Variants in JAK2 observed in about 807,000 individuals in gnomAD.
JAK2 encodes tyrosine-protein kinase JAK2.
Under a neutral mutation model 139.3 loss-of-function variants are expected in JAK2, and 86 were observed. The observed-to-expected ratio is 0.62, with a 90% CI of 0.52 to 0.74. The LOEUF (loss-of-function observed/expected upper bound fraction) is 0.74. Among genes scored for constraint, JAK2 ranks in the 30% least tolerant of loss-of-function variants. The pLI is 0.00. For missense variants in JAK2, 1,421 were observed against 1,360.3 expected (o/e 1.04, Z -0.70); for synonymous variants, 490 against 437.7 (o/e 1.12, Z -1.49).
intron 4 of JAK2, among the ~76,000 whole-genome samples, chr9:5,039,314 G>A (rs1057313315): frequency 6.6e-6 from 1 of 152,060 alleles, no homozygotes; most frequent in Non-Finnish European, 1.5e-5. Context: ...CACTGAACAT[G>A]TACAGACTTT....
intron 3 of JAK2, among the ~76,000 whole-genome samples, chr9:5,029,229 G>A (rs1008257937): frequency 6.6e-6 from 1 of 152,134 alleles, no homozygotes; most frequent in East Asian, 1.9e-4. Flanking sequence ...GAATAGAGAG[G>A]CCTAAGGAGA....
chr9:5,111,662 A>C, intron 22 of JAK2: 1 of 403,458 alleles, frequency 2.5e-6, no homozygotes, highest in South Asian at 1.9e-5. Flanking sequence ...CCTCCCGCCC[A>C]GCAGCGGCCC....
Position 5,090,449 on chromosome 9 carries a change from G to T in JAK2, c.2765G>T (p.Arg922Leu). The T allele has an allele frequency of 1.9e-6, 3 of 1,544,282 alleles. No individual in the cohort carries two copies. The highest frequency in any genetic ancestry group is 2.6e-6 in the Non-Finnish European group (3 of 1,141,760). ...KYKGVCYSAG[R>L]RNLKLIMEYL... ...ATTTCCACCTTTATGTTAAAAGGTCGGCGTAATCTAAAATTAATTATGGAA... is the reference window on the plus strand; with the variant it reads ...ATTTCCACCTTTATGTTAAAAGGTCTGCGTAATCTAAAATTAATTATGGAA... Residue 922 changes from arginine to leucine, a missense_variant, in exon 21 of 25, where the codon CGG (arginine) becomes CTG (leucine). By Grantham distance (102) the Arg-to-Leu change is moderately radical. Transcript: ENST00000381652.
In JAK2 at chr9:5,080,389, A is replaced by G. The variant is rs1819603408; in HGVS notation, c.2283+9A>G. 6.2e-7 allele frequency: 1 copy of G among 1,603,014 alleles called. No individual in the cohort carries two copies. Among genetic ancestry groups the G allele is most frequent in the South Asian group, 1.1e-5 (1 of 89,086 alleles). On this transcript the variant is annotated intron_variant, in intron 17 of 24. Transcript: ENST00000381652. ...CTCTGGATTCTCAAAGAGTAAGTTT[A>G]TATAGACTAAGTTAGAATTACTCTA...
rs572940703 is a variant in JAK2 at position 5,105,508 on chromosome 9, C to A, written c.3059+14597C>A. ...TACTGCCCAAAGTAATTTATAGATT[C>A]AATGCCATCCCCATCAAGCTACCAA... is the stretch of plus-strand genomic sequence containing the variant. On this transcript the variant is annotated intron_variant, in intron 22 of 24. Coordinates refer to ENST00000381652, the MANE Select transcript of JAK2 (RefSeq NM_004972.4). 3.9e-5 allele frequency among the ~76,000 whole-genome samples: 6 copies of A among 152,260 alleles called. No homozygotes were observed. The South Asian group carries it at 1.2e-3, about 32-fold the overall frequency.
At chr9:4,998,233 A>C (rs1249820266) in intron 2 of JAK2, among the ~76,000 whole-genome samples, 1 of 152,064 alleles carries the variant, frequency 6.6e-6, no homozygotes, top group Non-Finnish European at 1.5e-5. Context: ...ATGAGATCTT[A>C]AGGGAAAAAA....
At chr9:5,015,538 CTTTT>C (rs35167433) in intron 2 of JAK2, among the ~76,000 whole-genome samples, 2 of 109,642 alleles carry the variant, frequency 1.8e-5, no homozygotes, top group Admixed American at 9.1e-5. Flanking sequence ...TTTTTCTTTT[CTTTT>C]TTTTTTTTTT....
At chr9:5,107,687 G>T (rs1822079205) in intron 22 of JAK2, among the ~76,000 whole-genome samples, 1 of 151,922 alleles carries the variant, frequency 6.6e-6, no homozygotes, top group African/African-American at 2.4e-5. Flanking sequence ...TATCACTACT[G>T]GTAAAATTAA....
At chr9:5,032,254 C>T (rs1166427835) in intron 4 of JAK2, among the ~76,000 whole-genome samples, 1 of 152,238 alleles carries the variant, frequency 6.6e-6, no homozygotes, top group African/African-American at 2.4e-5. Flanking sequence ...AGCCAGGAAG[C>T]TCAAACTGGG....
intron 5 of JAK2, among the ~76,000 whole-genome samples, chr9:5,050,137 A>G (rs1051601588): frequency 2.0e-5 from 3 of 152,226 alleles, no homozygotes; most frequent in Non-Finnish European, 2.9e-5. Context: ...TTTATGTAGA[A>G]GATATAATTT....
At chr9:5,085,087 T>C (rs780922448) in intron 19 of JAK2, 5 of 665,820 alleles carry the variant, frequency 7.5e-6, no homozygotes, top group Non-Finnish European at 1.1e-5. Flanking sequence ...TATTGCTTCA[T>C]GGCAGTACTG....
At chr9:5,031,247 A>G (rs1175143278) in intron 4 of JAK2, among the ~76,000 whole-genome samples, 2 of 152,228 alleles carry the variant, frequency 1.3e-5, no homozygotes, top group East Asian at 1.9e-4. Context: ...TAAGATAGCC[A>G]TGAGAAAGAA....
In JAK2 at chr9:5,014,081, T is replaced by C. The variant is rs372279926; in HGVS notation, c.-25-7882T>C. Reference sequence around the variant, plus strand: ...GAGTAAAGTTTGAAAATATGAACTTTTAAAATGTGATATTTGAGGTACTGG... The same window carrying C: ...GAGTAAAGTTTGAAAATATGAACTTCTAAAATGTGATATTTGAGGTACTGG... On this transcript the variant is annotated intron_variant, in intron 2 of 24. Coordinates refer to ENST00000381652, the MANE Select transcript of JAK2 (RefSeq NM_004972.4). Among the ~76,000 whole-genome samples, 4 of 152,122 alleles carry C rather than the reference T, an allele frequency of 2.6e-5. No individual in the cohort carries two copies. In the East Asian group the frequency reaches 5.8e-4, roughly 22 times the overall value.
At position 5,051,574 on chromosome 9, in the gene JAK2, C is replaced by G. The variant is rs1022941974; in HGVS notation, c.614+743C>G. ...CAAATGGTCCAAACTCTGCATTCTT[C>G]AAATTATTCTTCTGCATATTGAACT... On this transcript the variant is annotated intron_variant, in intron 6 of 24. Coordinates refer to ENST00000381652, the MANE Select transcript of JAK2 (RefSeq NM_004972.4). 5.9e-5 allele frequency among the ~76,000 whole-genome samples: 9 copies of G among 152,252 alleles called. No homozygotes were observed. In the East Asian group the frequency reaches 9.6e-4, roughly 16 times the overall value.
At chr9:5,125,135 A>G (rs1054612263) in intron 23 of JAK2, among the ~76,000 whole-genome samples, 2 of 151,318 alleles carry the variant, frequency 1.3e-5, no homozygotes, top group Non-Finnish European at 3.0e-5. Context: ...CTCTAATGCA[A>G]TTACTCAGAG....
chr9:5,074,700 C>A (rs575741262), intron 14 of JAK2, among the ~76,000 whole-genome samples: 4 of 152,304 alleles, frequency 2.6e-5, no homozygotes, highest in Admixed American at 1.3e-4. Flanking sequence ...ACACAATGGT[C>A]TTTAAATGTT....
At chr9:5,039,563 T>C (rs1462503763) in intron 4 of JAK2, among the ~76,000 whole-genome samples, 1 of 152,102 alleles carries the variant, frequency 6.6e-6, no homozygotes, top group African/African-American at 2.4e-5. Flanking sequence ...TATTCACAGA[T>C]TACATGATCT....
chr9:5,089,409 G>A (rs1158441502), intron 19 of JAK2, among the ~76,000 whole-genome samples: 4 of 151,878 alleles, frequency 2.6e-5, no homozygotes. Flanking sequence ...GTATTGGCGG[G>A]CGCCTGTATT....
intron 2 of JAK2, among the ~76,000 whole-genome samples, chr9:4,999,825 A>T (rs1820823191): frequency 1.3e-5 from 2 of 152,088 alleles, no homozygotes. Flanking sequence ...AATGTCATTA[A>T]TTTTTTCCCA....
Sources: gnomAD v4.1 joint callset for allele counts (sites outside exome capture counted in the v4.1 genomes callset) on GRCh38, gnomAD v4.1.1 for gene constraint, MANE v1.5 for transcripts, NCBI Gene and HGNC (gene_info 2026-07-23, HGNC 2026-07-21) for gene names.